Variants in FHIT observed in about 807,000 individuals in gnomAD.
The protein encoded by FHIT is bis(5'-adenosyl)-triphosphatase.
FHIT carries 19 observed loss-of-function variants against 17.9 expected under a neutral mutation model. The ratio of observed to expected loss-of-function variants is 1.06; its 90% CI spans 0.74 to 1.56. The LOEUF is 1.56. Among genes scored for constraint, FHIT ranks in the 40% most tolerant of loss-of-function variants. The pLI, the probability that FHIT is intolerant of heterozygous loss-of-function variation, is 0.00. For synonymous variants in FHIT, 81 were observed against 69.7 expected, an observed-to-expected ratio of 1.16 and a Z score of -0.81; for missense variants, 248 against 189.2, an observed-to-expected ratio of 1.31 and a Z score of -1.82.
chr3:60,185,366 G>A (rs1286891501), intron 5 of FHIT, among the ~76,000 whole-genome samples: 1 of 152,092 alleles, frequency 6.6e-6, no homozygotes, highest in Non-Finnish European at 1.5e-5. Flanking sequence ...TAATAAAGTT[G>A]CATCATGCAG....
chr3:60,347,702 T>A (rs1054934807), intron 5 of FHIT, among the ~76,000 whole-genome samples: 15 of 151,372 alleles, frequency 9.9e-5, no homozygotes, highest in Non-Finnish European at 1.9e-4. Flanking sequence ...TGTTTTTTGT[T>A]TTGTTTTGTT....
chr3:59,974,679 G>A (rs1335960871), intron 7 of FHIT, among the ~76,000 whole-genome samples: 1 of 152,128 alleles, frequency 6.6e-6, no homozygotes, highest in African/African-American at 2.4e-5. Context: ...AATGACTGCT[G>A]TGTGCACAGC....
chr3:60,728,950 C>T (rs2041973021), intron 4 of FHIT, among the ~76,000 whole-genome samples: 1 of 152,156 alleles, frequency 6.6e-6, no homozygotes, highest in African/African-American at 2.4e-5. Context: ...TGGATCATCC[C>T]CACATCAAAA....
At chr3:60,359,104 T>C (rs534963861) in intron 5 of FHIT, among the ~76,000 whole-genome samples, 5 of 152,122 alleles carry the variant, frequency 3.3e-5, no homozygotes, top group Admixed American at 2.6e-4. Flanking sequence ...CCAAATCACA[T>C]GCATTATACC....
chr3:60,375,561 T>G (rs1036655686), intron 5 of FHIT, among the ~76,000 whole-genome samples: 1 of 152,000 alleles, frequency 6.6e-6, no homozygotes, highest in Non-Finnish European at 1.5e-5. Flanking sequence ...GGTGACACGG[T>G]GAGTGAGACT....
At chr3:60,797,946 T>C (rs1553730917) in intron 4 of FHIT, among the ~76,000 whole-genome samples, 1 of 152,152 alleles carries the variant, frequency 6.6e-6, no homozygotes, top group Non-Finnish European at 1.5e-5. Context: ...CAATGTATAA[T>C]TAATTTATAT....
intron 7 of FHIT, among the ~76,000 whole-genome samples, chr3:60,009,794 T>G (rs933012642): frequency 6.6e-6 from 1 of 152,180 alleles, no homozygotes; most frequent in Non-Finnish European, 1.5e-5. Flanking sequence ...CATTCCCCAT[T>G]CCTTCCTTGT....
intron 8 of FHIT, among the ~76,000 whole-genome samples, chr3:59,795,266 C>T (rs1384938152): frequency 6.6e-6 from 1 of 152,024 alleles, no homozygotes; most frequent in Non-Finnish European, 1.5e-5. Context: ...TGCCTGTAGT[C>T]CCAGCTACTA....
At chr3:59,874,427 G>A (rs866005359) in intron 8 of FHIT, among the ~76,000 whole-genome samples, 3 of 152,182 alleles carry the variant, frequency 2.0e-5, no homozygotes, top group Non-Finnish European at 4.4e-5. Flanking sequence ...TGAATTGGAG[G>A]TTACTGAGCC....
intron 4 of FHIT, among the ~76,000 whole-genome samples, chr3:60,675,747 G>A (rs2040609262): frequency 6.6e-6 from 1 of 152,170 alleles, no homozygotes; most frequent in African/African-American, 2.4e-5. Flanking sequence ...AAATGCATCT[G>A]ATTTGAAATA....
In FHIT at chr3:60,961,726, A is replaced by T. The variant is rs1348941171; in HGVS notation, c.-111+80321T>A. ...CTTGTGTTTGTCAGGTTTGTCAAAG[A>T]TCAGATTGTTGTCGATGTGTGGTAT... On this transcript the variant is annotated intron_variant, in intron 3 of 9. Coordinates refer to ENST00000492590, the MANE Select transcript of FHIT (RefSeq NM_002012.4). 2.0e-5 allele frequency among the ~76,000 whole-genome samples: 3 copies of T among 152,298 alleles called. No homozygotes were observed. The South Asian group carries it at 6.2e-4, about 32-fold the overall frequency.
chr3:60,400,101 G>C (rs1039401210), intron 5 of FHIT, among the ~76,000 whole-genome samples: 4 of 152,164 alleles, frequency 2.6e-5, no homozygotes, highest in Admixed American at 6.5e-5. Flanking sequence ...TGCTCTTTTA[G>C]GTAGGATTGC....
At chr3:60,911,390 C>A (rs1300432976) in intron 3 of FHIT, among the ~76,000 whole-genome samples, 2 of 151,646 alleles carry the variant, frequency 1.3e-5, no homozygotes, top group Non-Finnish European at 2.9e-5. Flanking sequence ...CACACACACA[C>A]ACACACACCC....
chr3:60,402,593 C>T (rs1483597291), intron 5 of FHIT, among the ~76,000 whole-genome samples: 1 of 152,160 alleles, frequency 6.6e-6, no homozygotes, highest in Non-Finnish European at 1.5e-5. Flanking sequence ...ATACCTATTA[C>T]TGCAACAACA....
chr3:60,375,899 G>A (rs986381713), intron 5 of FHIT, among the ~76,000 whole-genome samples: 6 of 152,142 alleles, frequency 3.9e-5, no homozygotes, highest in African/African-American at 1.4e-4. Flanking sequence ...GTAGTCATGA[G>A]CCACATGTGA....
At chr3:60,283,404 G>A (rs946722675) in intron 5 of FHIT, among the ~76,000 whole-genome samples, 1 of 151,864 alleles carries the variant, frequency 6.6e-6, no homozygotes, top group Non-Finnish European at 1.5e-5. Flanking sequence ...TGTAGCATAG[G>A]TATATATTTT....
In FHIT at chr3:61,205,704, G is replaced by A. The variant is rs548601231; in HGVS notation, c.-212-5039C>T. ...TGTAAATTTATTTGAGTTCATTGTA[G>A]ATTCGGGATATTAGCCCTTTGTCAG... On this transcript the variant is annotated intron_variant, in intron 1 of 9. Coordinates refer to ENST00000492590, the MANE Select transcript of FHIT (RefSeq NM_002012.4). Among the ~76,000 whole-genome samples the A allele has an allele frequency of 5.5e-3, 834 of 152,308 alleles. 6 individuals carry two copies. Among genetic ancestry groups the A allele is most frequent in the Non-Finnish European group, 8.4e-3 (569 of 68,036 alleles).
chr3:60,218,020 T>A (rs1703777371), intron 5 of FHIT, among the ~76,000 whole-genome samples: 1 of 152,194 alleles, frequency 6.6e-6, no homozygotes. Flanking sequence ...AATTGTTAAT[T>A]CTTGTTTAAA....
intron 5 of FHIT, among the ~76,000 whole-genome samples, chr3:60,452,097 T>C (rs1048522496): frequency 6.6e-6 from 1 of 152,186 alleles, no homozygotes; most frequent in Non-Finnish European, 1.5e-5. Flanking sequence ...ATTTCTCATA[T>C]AAATAAATGC....
Sources: allele counts gnomAD v4.1 joint callset (sites outside exome capture counted in the v4.1 genomes callset), GRCh38; gene constraint gnomAD v4.1.1; transcripts MANE v1.5; gene names NCBI Gene and HGNC (gene_info 2026-07-23, HGNC 2026-07-21).